The following DOCK4 variants were observed in gnomAD, a reference collection of about 807,000 sequenced individuals.
DOCK4 encodes the protein dedicator of cytokinesis protein 4.
DOCK4 carries 97 observed loss-of-function variants against 268.1 expected under a neutral mutation model. That is an observed-to-expected ratio of 0.36 (90% CI 0.31 to 0.43). The LOEUF is 0.43. Among genes scored for constraint, DOCK4 ranks in the 20% least tolerant of loss-of-function variants. The pLI is 1.00. For missense variants in DOCK4, 2,145 were observed against 2,455.7 expected (o/e 0.87, Z 2.67); for synonymous variants, 954 against 887.2 (o/e 1.08, Z -1.34).
At chr7:112,018,936 T>G (rs1468593696) in intron 1 of DOCK4, among the ~76,000 whole-genome samples, 2 of 152,180 alleles carry the variant, frequency 1.3e-5, no homozygotes, top group African/African-American at 4.8e-5. Context: ...AAATGATAAT[T>G]TTGCATTTGT....
chr7:111,855,566 G>C (rs1248674430), intron 23 of DOCK4, among the ~76,000 whole-genome samples: 1 of 152,198 alleles, frequency 6.6e-6, no homozygotes, highest in Non-Finnish European at 1.5e-5. Flanking sequence ...GGATACTCAA[G>C]TTTGGAGCTC....
At chr7:111,935,240 G>C in intron 12 of DOCK4, 1 of 386,730 alleles carries the variant, frequency 2.6e-6, no homozygotes. Flanking sequence ...GAGCCACCGT[G>C]CCTGGCTGAT....
intron 32 of DOCK4, among the ~76,000 whole-genome samples, chr7:111,787,760 C>T (rs1386795055): frequency 6.6e-6 from 1 of 152,068 alleles, no homozygotes; most frequent in East Asian, 1.9e-4. Context: ...AATACAAACA[C>T]GAATATATTT....
intron 36 of DOCK4, among the ~76,000 whole-genome samples, chr7:111,775,879 C>A (rs1798412050): frequency 6.6e-6 from 1 of 151,870 alleles, no homozygotes. Context: ...CAAGCCTTGG[C>A]TATATAGCCA....
chr7:112,018,251 T>C (rs1348605233), intron 1 of DOCK4, among the ~76,000 whole-genome samples: 1 of 149,068 alleles, frequency 6.7e-6, no homozygotes, highest in Non-Finnish European at 1.5e-5. Context: ...TTCCACTGTA[T>C]AAATTCTCTA....
intron 32 of DOCK4, among the ~76,000 whole-genome samples, chr7:111,785,543 T>C (rs952730728): frequency 1.3e-5 from 2 of 152,314 alleles, no homozygotes; most frequent in East Asian, 1.9e-4. Context: ...GGCAAAGTTA[T>C]GCACAACCTG....
intron 17 of DOCK4, among the ~76,000 whole-genome samples, chr7:111,874,141 C>A (rs1406969309): frequency 1.3e-5 from 2 of 152,168 alleles, no homozygotes; most frequent in African/African-American, 4.8e-5. Flanking sequence ...GAGGCCTCCC[C>A]TCCCTGGCAT....
At chr7:111,929,544 T>C (rs1160847760) in intron 12 of DOCK4, among the ~76,000 whole-genome samples, 4 of 152,216 alleles carry the variant, frequency 2.6e-5, no homozygotes, top group Non-Finnish European at 5.9e-5. Context: ...GGTGCACTGA[T>C]CAAATTCTTA....
At chr7:111,884,248 G>A (rs1243502700) in intron 16 of DOCK4, among the ~76,000 whole-genome samples, 1 of 152,142 alleles carries the variant, frequency 6.6e-6, no homozygotes, top group East Asian at 1.9e-4. Flanking sequence ...TACCTTTTAT[G>A]AGTGCTTACT....
At chr7:111,836,556 C>A (rs958355675) in intron 25 of DOCK4, among the ~76,000 whole-genome samples, 2 of 151,896 alleles carry the variant, frequency 1.3e-5, no homozygotes, top group Admixed American at 1.3e-4. Context: ...TCAATAGAAA[C>A]AGATCCAGAA....
At chr7:111,741,282 G>A (rs1032514886) in intron 46 of DOCK4, 68 bp from the exon 47 acceptor site, 12 of 1,580,800 alleles carry the variant, frequency 7.6e-6, no homozygotes, top group African/African-American at 1.4e-5. Context: ...GTGCTAGAAT[G>A]CTATGAAACC....
At chr7:111,779,329 T>A (rs1798651277) in intron 35 of DOCK4, among the ~76,000 whole-genome samples, 1 of 152,218 alleles carries the variant, frequency 6.6e-6, no homozygotes, top group Non-Finnish European at 1.5e-5. Context: ...CTAAGAAGTA[T>A]TTAGATCTTA....
At chr7:111,809,653 T>C (rs1360895115) in intron 28 of DOCK4, among the ~76,000 whole-genome samples, 17 of 152,220 alleles carry the variant, frequency 1.1e-4, no homozygotes, top group Admixed American at 1.1e-3. Context: ...ACTATTATTA[T>C]CTAGGTGTAT....
chr7:112,058,591 C>T (rs1806063728), intron 1 of DOCK4, among the ~76,000 whole-genome samples: 1 of 152,184 alleles, frequency 6.6e-6, no homozygotes, highest in South Asian at 2.1e-4. Context: ...ATATTAAGTC[C>T]CTTGAGCAAA....
intron 1 of DOCK4, among the ~76,000 whole-genome samples, chr7:112,127,203 A>C (rs958784318): frequency 1.9e-3 from 291 of 152,034 alleles, no homozygotes; most frequent in African/African-American, 6.2e-3. Flanking sequence ...AATGTGGCAC[A>C]TATACACCAT....
chr7:111,739,771 G>T, intron 47 of DOCK4: 1 of 408,630 alleles, frequency 2.4e-6, no homozygotes, highest in Non-Finnish European at 4.5e-6. Context: ...ATGACTTCCA[G>T]CCTAGGGCCC....
chr7:112,124,719 C>G (rs139831600), intron 1 of DOCK4, among the ~76,000 whole-genome samples: 1 of 152,184 alleles, frequency 6.6e-6, no homozygotes, highest in East Asian at 1.9e-4. Context: ...AACTGTCTAG[C>G]GCAGTGCCTG....
At position 111,726,636 on chromosome 7, in the gene DOCK4, G is replaced by A. The variant is rs1008257131; in HGVS notation, c.*1638C>T. On this transcript the variant is annotated 3_prime_UTR_variant, in exon 53 of 53. Coordinates refer to ENST00000428084, the MANE Select transcript of DOCK4 (RefSeq NM_001363540.2). ...ATATTTAACATATATTAATTTTTCCGACATTCAAAATTGTAAAGTCAATAT... is the reference window on the plus strand; with the variant it reads ...ATATTTAACATATATTAATTTTTCCAACATTCAAAATTGTAAAGTCAATAT... 4 of 152,514 alleles carry A rather than the reference G, an allele frequency of 2.6e-5. No individual in the cohort carries two copies. Among genetic ancestry groups the A allele is most frequent in the Non-Finnish European group, 2.9e-5 (2 of 67,974 alleles). 9.4% of individuals were successfully genotyped at this position (152,514 alleles called of 1,614,324 possible). A position where few individuals can be genotyped will look rare whatever the true frequency, so the allele number is the denominator to read the frequency against.
At chr7:111,836,520 C>T (rs140051375) in intron 25 of DOCK4, among the ~76,000 whole-genome samples, 50 of 151,872 alleles carry the variant, frequency 3.3e-4, no homozygotes, top group East Asian at 1.5e-3. Context: ...GAAAAAATGA[C>T]GCAAATGAGG....
Sources: allele counts gnomAD v4.1 joint callset (sites outside exome capture counted in the v4.1 genomes callset), GRCh38; gene constraint gnomAD v4.1.1; transcripts MANE v1.5; gene names NCBI Gene and HGNC (gene_info 2026-07-23, HGNC 2026-07-21).